WASHC5: variants seen among roughly 807,000 people sequenced by gnomAD.
WASHC5 encodes WASH complex subunit 5.
A neutral mutation model predicts 150.4 loss-of-function variants in WASHC5; 101 were observed. That is an observed-to-expected ratio of 0.67 (90% CI 0.57 to 0.79). The LOEUF is 0.79. Ranked by LOEUF, WASHC5 falls within the 30% of genes least tolerant of loss-of-function variation. WASHC5 has a pLI of 0.00. For synonymous variants in WASHC5, 467 were observed against 491.2 expected, an observed-to-expected ratio of 0.95 and a Z score of 0.65; for missense variants, 1,195 against 1,396.3, an observed-to-expected ratio of 0.86 and a Z score of 2.30.
At chr8:125,058,045 G>T (rs1156312077) in intron 14 of WASHC5, among the ~76,000 whole-genome samples, 1 of 151,746 alleles carries the variant, frequency 6.6e-6, no homozygotes, top group Non-Finnish European at 1.5e-5. Context: ...AGCTACTCCT[G>T]TGTGGAAATC....
intron 2 of WASHC5, 92 bp downstream of exon 2, chr8:125,083,621 T>A: frequency 9.8e-7 from 1 of 1,022,576 alleles, no homozygotes; most frequent in South Asian, 1.5e-5. Context: ...GCTTTTTCCA[T>A]AATTCCTTAA....
intron 28 of WASHC5, 41 bp from the exon 29 acceptor site, chr8:125,024,714 T>TG: frequency 2.2e-6 from 3 of 1,375,052 alleles, no homozygotes; most frequent in Non-Finnish European, 3.1e-6. Flanking sequence ...GTGTTATAGT[T>TG]GAACAATTAC....
intron 10 of WASHC5, among the ~76,000 whole-genome samples, chr8:125,066,175 T>C (rs912407779): frequency 2.0e-5 from 3 of 152,202 alleles, no homozygotes; most frequent in African/African-American, 7.2e-5. Flanking sequence ...AAATTATTAA[T>C]AGATCAAAAA....
In WASHC5 at chr8:125,024,562, G is replaced by A. The variant is rs1201339216; in HGVS notation, c.*55C>T. On this transcript the variant is annotated 3_prime_UTR_variant, in exon 29 of 29. Coordinates refer to ENST00000318410, the MANE Select transcript of WASHC5 (RefSeq NM_014846.4). ...TTTCTTTTCATCTTCAAATTCATTTGTGATGGTGGGAAGATCTAAGGACAA... is the reference window on the plus strand; with the variant it reads ...TTTCTTTTCATCTTCAAATTCATTTATGATGGTGGGAAGATCTAAGGACAA... 1.6e-6 allele frequency: 2 copies of A among 1,285,508 alleles called. No homozygotes were observed. The highest frequency in any genetic ancestry group is 2.3e-6 in the Non-Finnish European group (2 of 880,320). The allele number at this position is 1,285,508 out of a possible 1,614,324, so 79.6% of individuals were successfully genotyped here. A position where few individuals can be genotyped will look rare whatever the true frequency, so the allele number is the denominator to read the frequency against.
intron 25 of WASHC5, among the ~76,000 whole-genome samples, chr8:125,038,063 TGTGAGATGAA>T (rs1464047142): frequency 9.8e-5 from 15 of 152,336 alleles, no homozygotes; most frequent in African/African-American, 3.4e-4. Context: ...TAGGGCTTGT[TGTGAGATGAA>T]GTGAGATAAT....
At chr8:125,060,206 G>A (rs546510313) in intron 12 of WASHC5, among the ~76,000 whole-genome samples, 148 of 152,262 alleles carry the variant, frequency 9.7e-4, no homozygotes, top group Middle Eastern at 3.4e-3. Context: ...AATAGAGTTG[G>A]CCGGGCACGG....
chr8:125,078,602 G>A (rs971312972), intron 6 of WASHC5, 136 bp downstream of exon 6: 5 of 702,722 alleles, frequency 7.1e-6, no homozygotes, highest in Middle Eastern at 3.7e-4. Context: ...ATCCTGGGGT[G>A]TAGCTCAAAA....
intron 17 of WASHC5, among the ~76,000 whole-genome samples, chr8:125,051,811 C>G (rs769730044): frequency 6.6e-6 from 1 of 152,120 alleles, no homozygotes. Flanking sequence ...TGCTTGAACT[C>G]GGGAGGAGGA....
intron 23 of WASHC5, among the ~76,000 whole-genome samples, chr8:125,042,107 C>G (rs372962282): frequency 6.6e-6 from 1 of 152,286 alleles, no homozygotes; most frequent in South Asian, 2.1e-4. Flanking sequence ...TTGGTACTCA[C>G]GCACTTCAAG....
chr8:125,081,738 T>C lies in WASHC5; in HGVS notation c.441A>G (p.Gly147=), dbSNP rs752261802. The change falls in exon 5 of 29, where the codon GGA becomes GGG. Residue 147 remains glycine, a synonymous_variant. Coordinates refer to ENST00000318410, the MANE Select transcript of WASHC5 (RefSeq NM_014846.4). ...QLLCEALYLY[G]VMLLVIDQKI... ...TTTGGTCAATGACCAGTAGCATAAC[T>C]CCATATAAGTACAGTGCTTCACACT... 1 of 1,610,190 alleles carries C rather than the reference T, an allele frequency of 6.2e-7. No homozygotes were observed. Among genetic ancestry groups the C allele is most frequent in the South Asian group, 1.1e-5 (1 of 91,010 alleles).
chr8:125,056,603 G>T, intron 16 of WASHC5, 74 bp downstream of exon 16: 2 of 1,559,844 alleles, frequency 1.3e-6, no homozygotes, highest in Non-Finnish European at 1.8e-6. Context: ...AATATGGCAG[G>T]TGACACAGGC....
chr8:125,039,136 C>A (rs1356697283), intron 24 of WASHC5, among the ~76,000 whole-genome samples, 177 bp from the exon 25 acceptor site: 3 of 152,170 alleles, frequency 2.0e-5, no homozygotes, highest in Non-Finnish European at 2.9e-5. Context: ...AAAATTTGAC[C>A]TAGAATTACT....
Position 125,024,329 on chromosome 8 carries a change from T to C in WASHC5, c.*288A>G. The C allele has an allele frequency of 4.4e-6, 2 of 450,856 alleles. No individual in the cohort carries two copies. Among genetic ancestry groups the C allele is most frequent in the Admixed American group, 7.1e-5 (2 of 28,172 alleles). 27.9% of individuals were successfully genotyped at this position (450,856 alleles called of 1,614,324 possible). A position where few individuals can be genotyped will look rare whatever the true frequency, so the allele number is the denominator to read the frequency against. On this transcript the variant is annotated 3_prime_UTR_variant, in exon 29 of 29. Transcript: ENST00000318410. ...CAAATAGTTCTTTAGAACATAAAACTAAATGGATTTATACATAACAGTTAC... is the reference window on the plus strand; with the variant it reads ...CAAATAGTTCTTTAGAACATAAAACCAAATGGATTTATACATAACAGTTAC...
chr8:125,076,148 G>A (rs1817053440), intron 7 of WASHC5, among the ~76,000 whole-genome samples, 200 bp downstream of exon 7: 1 of 152,110 alleles, frequency 6.6e-6, no homozygotes, highest in African/African-American at 2.4e-5. Flanking sequence ...AGACTAGTGG[G>A]TTCTTCAGGA....
intron 15 of WASHC5, 118 bp downstream of exon 15, chr8:125,057,438 T>C: frequency 1.3e-6 from 1 of 741,502 alleles, no homozygotes. Flanking sequence ...ATTTCTGGAA[T>C]CAAATTTTTA....
intron 17 of WASHC5, among the ~76,000 whole-genome samples, chr8:125,054,768 G>A (rs1165337728): frequency 2.0e-5 from 3 of 151,196 alleles, no homozygotes; most frequent in East Asian, 2.0e-4. Flanking sequence ...GCAGGGAGCC[G>A]AGATTGCACC....
chr8:125,064,374 CTTAT>C (rs200828445), intron 10 of WASHC5, among the ~76,000 whole-genome samples: 3 of 122,386 alleles, frequency 2.5e-5, no homozygotes, highest in African/African-American at 1.3e-4. Flanking sequence ...GGTTAATTTT[CTTAT>C]TTATTTATTT....
chr8:125,075,568 G>A (rs74766652), intron 7 of WASHC5, among the ~76,000 whole-genome samples: 4,567 of 152,048 alleles, frequency 0.03, 242 homozygotes, highest in African/African-American at 0.1. Flanking sequence ...TTAAACTTAG[G>A]AACCTGAAGC....
Position 125,075,126 on chromosome 8 carries a change from A to G in WASHC5, c.865-15T>C. 1 of 1,480,812 alleles carries G rather than the reference A, an allele frequency of 6.8e-7. No homozygotes were observed. The highest frequency in any genetic ancestry group is 1.1e-5 in the South Asian group (1 of 88,336). 91.7% of individuals were successfully genotyped at this position (1,480,812 alleles called of 1,614,324 possible). A position where few individuals can be genotyped will look rare whatever the true frequency, so the allele number is the denominator to read the frequency against. On this transcript the variant is annotated splice_polypyrimidine_tract_variant and intron_variant, in intron 7 of 28. Transcript: ENST00000318410. ...ATACTAATTACCTGAAAGAGGAGACATTCAGAATTTGTTAAATTCCTACTC... is the reference window on the plus strand; with the variant it reads ...ATACTAATTACCTGAAAGAGGAGACGTTCAGAATTTGTTAAATTCCTACTC...
Sources: allele counts gnomAD v4.1 joint callset (sites outside exome capture counted in the v4.1 genomes callset), GRCh38; gene constraint gnomAD v4.1.1; transcripts MANE v1.5; gene names NCBI Gene and HGNC (gene_info 2026-07-23, HGNC 2026-07-21).